NELL1: variants seen among roughly 807,000 people sequenced by gnomAD.
NELL1 encodes the protein neural EGFL like 1, also known as protein kinase C-binding protein NELL1.
Under a neutral mutation model 107.4 loss-of-function variants are expected in NELL1, and 76 were observed. The observed-to-expected ratio is 0.71, with a 90% CI of 0.59 to 0.86. The LOEUF (loss-of-function observed/expected upper bound fraction) is 0.86, where lower values mean the gene tolerates loss of function less well. NELL1 is among the 40% of genes least tolerant of loss of function. NELL1 has a pLI of 0.00. For synonymous variants in NELL1, 353 were observed against 341.2 expected (o/e 1.03, Z -0.38); for missense variants, 1,024 against 1,005.5 (o/e 1.02, Z -0.25).
intron 15 of NELL1, among the ~76,000 whole-genome samples, chr11:21,494,989 C>T (rs1052674693): frequency 1.3e-5 from 2 of 152,016 alleles, no homozygotes; most frequent in African/African-American, 4.8e-5. Context: ...TGTTTAAAAA[C>T]TCTCATGAAT....
At chr11:21,517,839 A>G (rs975972869) in intron 15 of NELL1, among the ~76,000 whole-genome samples, 2 of 152,072 alleles carry the variant, frequency 1.3e-5, no homozygotes, top group African/African-American at 4.8e-5. Context: ...TTCAAGATAT[A>G]TGGTTAGGTT....
chr11:20,709,411 A>G (rs1336752322), intron 2 of NELL1, among the ~76,000 whole-genome samples: 1 of 152,120 alleles, frequency 6.6e-6, no homozygotes, highest in African/African-American at 2.4e-5. Context: ...GACTATTTTT[A>G]TACCAGTACC....
chr11:20,911,517 T>C (rs1372337669), intron 5 of NELL1, among the ~76,000 whole-genome samples: 1 of 152,220 alleles, frequency 6.6e-6, no homozygotes, highest in African/African-American at 2.4e-5. Context: ...ATTAAGGGCT[T>C]ACCCTGTGTT....
intron 14 of NELL1, among the ~76,000 whole-genome samples, chr11:21,338,699 T>A (rs1235348474): frequency 2.6e-5 from 1 of 38,696 alleles, no homozygotes; most frequent in East Asian, 8.0e-4. Flanking sequence ...AAACATTTCC[T>A]TTTTTTTTGT....
chr11:20,927,233 T>C, intron 7 of NELL1, 75 bp from the exon 8 acceptor site: 1 of 1,396,804 alleles, frequency 7.2e-7, no homozygotes, highest in South Asian at 1.4e-5. Context: ...AGGATTTTTT[T>C]TCTTGTTGCT....
intron 13 of NELL1, among the ~76,000 whole-genome samples, chr11:21,195,317 A>C: frequency 6.6e-6 from 1 of 152,326 alleles, no homozygotes; most frequent in East Asian, 1.9e-4. Context: ...GAGTCTCTTC[A>C]GTGAACCTGA....
chr11:21,434,804 A>G (rs1853065378), intron 15 of NELL1, among the ~76,000 whole-genome samples: 1 of 152,102 alleles, frequency 6.6e-6, no homozygotes, highest in Non-Finnish European at 1.5e-5. Flanking sequence ...TGGTTATTTT[A>G]ATAATATTAA....
At chr11:20,882,356 A>G (rs1480643116) in intron 4 of NELL1, among the ~76,000 whole-genome samples, 1 of 152,188 alleles carries the variant, frequency 6.6e-6, no homozygotes, top group Non-Finnish European at 1.5e-5. Context: ...ATTGTTTTGC[A>G]TGTGTGAATT....
chr11:21,322,950 C>T (rs1850046801), intron 14 of NELL1, among the ~76,000 whole-genome samples: 6 of 152,022 alleles, frequency 3.9e-5, no homozygotes, highest in Admixed American at 3.9e-4. Flanking sequence ...GAAAGTGCCC[C>T]CTTAGGATAG....
chr11:20,673,488 G>C (rs569526050), intron 1 of NELL1, among the ~76,000 whole-genome samples: 1 of 152,302 alleles, frequency 6.6e-6, no homozygotes, highest in East Asian at 1.9e-4. Context: ...GCCAGACCCA[G>C]GAGGATTTGC....
intron 15 of NELL1, among the ~76,000 whole-genome samples, chr11:21,394,420 A>G (rs1312759390): frequency 6.6e-6 from 1 of 151,454 alleles, no homozygotes; most frequent in South Asian, 2.1e-4. Flanking sequence ...ATATGTATGT[A>G]TATAGCCCTA....
intron 4 of NELL1, among the ~76,000 whole-genome samples, chr11:20,848,739 T>C (rs1848745010): frequency 6.6e-6 from 1 of 152,178 alleles, no homozygotes; most frequent in Admixed American, 6.5e-5. Context: ...GTCAGTCAGC[T>C]TCAGACCGCA....
At chr11:21,232,329 CAAA>C (rs35426602) in intron 14 of NELL1, among the ~76,000 whole-genome samples, 6 of 121,464 alleles carry the variant, frequency 4.9e-5, no homozygotes, top group Admixed American at 2.5e-4. Flanking sequence ...CACTCCATCT[CAAA>C]AAAAAAAAAA....
chr11:21,419,617 C>G (rs1410184806), intron 15 of NELL1, among the ~76,000 whole-genome samples: 5 of 152,000 alleles, frequency 3.3e-5, no homozygotes, highest in Admixed American at 1.3e-4. Context: ...GAAACAGTTT[C>G]CACTGTAGCA....
intron 16 of NELL1, among the ~76,000 whole-genome samples, chr11:21,540,878 T>G (rs1412314509): frequency 2.6e-5 from 4 of 152,078 alleles, no homozygotes; most frequent in African/African-American, 9.7e-5. Context: ...AAAAAAAGAC[T>G]ACAAGTGATT....
At chr11:21,515,547 A>C (rs1855538167) in intron 15 of NELL1, among the ~76,000 whole-genome samples, 1 of 152,194 alleles carries the variant, frequency 6.6e-6, no homozygotes, top group African/African-American at 2.4e-5. Flanking sequence ...GGACTTCTCC[A>C]CTTTGAGCCA....
chr11:20,804,304 C>T (rs1461845514), intron 3 of NELL1, among the ~76,000 whole-genome samples: 1 of 152,050 alleles, frequency 6.6e-6, no homozygotes, highest in African/African-American at 2.4e-5. Flanking sequence ...GGTGCGATTT[C>T]AGCTCACTGC....
chr11:20,715,664 A>G (rs765142100), intron 2 of NELL1, among the ~76,000 whole-genome samples: 25 of 152,242 alleles, frequency 1.6e-4, no homozygotes, highest in Non-Finnish European at 2.9e-4. Context: ...ATTTTAAATT[A>G]ACCAGGACAG....
At chr11:21,554,465 G>A (rs955663685) in intron 16 of NELL1, among the ~76,000 whole-genome samples, 12 of 151,750 alleles carry the variant, frequency 7.9e-5, no homozygotes, top group Non-Finnish European at 1.5e-4. Context: ...GAAATCCTTG[G>A]CAAATCGATG....
Sources: gnomAD v4.1 joint callset for allele counts (sites outside exome capture counted in the v4.1 genomes callset) on GRCh38, gnomAD v4.1.1 for gene constraint, MANE v1.5 for transcripts, NCBI Gene and HGNC (gene_info 2026-07-23, HGNC 2026-07-21) for gene names.